The following NXN variants were observed in gnomAD, a reference collection of about 807,000 sequenced individuals.
The protein encoded by NXN is nucleoredoxin.
In NXN, 16 loss-of-function variants were observed where a neutral mutation model predicts 48.6. That is an observed-to-expected ratio of 0.33 (90% CI 0.22 to 0.50). The LOEUF (loss-of-function observed/expected upper bound fraction) is 0.50. NXN is among the 20% of genes least tolerant of loss of function. The pLI, the probability that NXN is intolerant of heterozygous loss-of-function variation, is 0.98. For synonymous variants in NXN, 281 were observed against 269.6 expected (o/e 1.04, Z -0.41); for missense variants, 492 against 605.5 (o/e 0.81, Z 1.97).
intron 1 of NXN, among the ~76,000 whole-genome samples, chr17:875,256 T>C (rs1388336355): frequency 6.6e-6 from 1 of 152,086 alleles, no homozygotes; most frequent in East Asian, 1.9e-4. Flanking sequence ...GGTCTTGAAC[T>C]CCTGACCTCA....
At chr17:950,027 A>T (rs757704469) in intron 1 of NXN, among the ~76,000 whole-genome samples, 1 of 152,218 alleles carries the variant, frequency 6.6e-6, no homozygotes, top group Non-Finnish European at 1.5e-5. Context: ...CTGATGCTTA[A>T]GAAATCACTT....
intron 1 of NXN, among the ~76,000 whole-genome samples, chr17:901,879 C>A (rs2068541161): frequency 6.6e-6 from 1 of 152,020 alleles, no homozygotes; most frequent in African/African-American, 2.4e-5. Context: ...TTTGTATTTT[C>A]AGTAGAGACG....
intron 1 of NXN, among the ~76,000 whole-genome samples, chr17:925,680 T>C (rs1270264508): frequency 6.6e-6 from 1 of 152,234 alleles, no homozygotes; most frequent in Non-Finnish European, 1.5e-5. Context: ...TGAGCCACTG[T>C]GCCCAGCTCC....
chr17:805,194 C>T lies in NXN; in HGVS notation c.874G>A (p.Gly292Arg). ...DPQGEVITRQ[G>R]RVEVLNDEDC... ...TCGTCGTTCAGCACCTCCACCCGCCCCTGCCGCGTGATCACCTCGCCCTGC... is the reference window on the plus strand; with the variant it reads ...TCGTCGTTCAGCACCTCCACCCGCCTCTGCCGCGTGATCACCTCGCCCTGC... The change falls in exon 6 of 8, where the codon GGG becomes AGG. Residue 292 changes from glycine to arginine, a missense_variant. Coordinates refer to ENST00000336868, the MANE Select transcript of NXN (RefSeq NM_022463.5). 1 of 1,611,524 alleles carries T rather than the reference C, an allele frequency of 6.2e-7. No individual in the cohort carries two copies.
intron 1 of NXN, among the ~76,000 whole-genome samples, chr17:916,147 A>T (rs1344575306): frequency 6.6e-6 from 1 of 152,230 alleles, no homozygotes; most frequent in Non-Finnish European, 1.5e-5. Context: ...AGTAACCTCC[A>T]GCAAAACTCT....
At chr17:834,040 C>T (rs956302058) in intron 1 of NXN, among the ~76,000 whole-genome samples, 1 of 152,220 alleles carries the variant, frequency 6.6e-6, no homozygotes, top group Non-Finnish European at 1.5e-5. Flanking sequence ...TTTCTCAGGG[C>T]CAGGTGCGGT....
chr17:842,185 G>T (rs887749221), intron 1 of NXN, among the ~76,000 whole-genome samples: 1 of 151,892 alleles, frequency 6.6e-6, no homozygotes, highest in East Asian at 1.9e-4. Context: ...AAACCTGCTC[G>T]ACATCCTTCC....
chr17:928,539 G>T (rs772914683), intron 1 of NXN, among the ~76,000 whole-genome samples: 1 of 152,126 alleles, frequency 6.6e-6, no homozygotes, highest in Non-Finnish European at 1.5e-5. Flanking sequence ...TAATTCCCTT[G>T]AAAAAGTACT....
intron 1 of NXN, among the ~76,000 whole-genome samples, chr17:843,776 G>A (rs771576691): frequency 3.3e-5 from 5 of 152,176 alleles, no homozygotes; most frequent in South Asian, 2.1e-4. Context: ...AGCACCTTTC[G>A]ACGTGAACGT....
intron 1 of NXN, among the ~76,000 whole-genome samples, chr17:884,585 G>A (rs1407998889): frequency 6.6e-6 from 1 of 152,118 alleles, no homozygotes; most frequent in Admixed American, 6.5e-5. Flanking sequence ...ACAGGAAAAG[G>A]GCCGTTGGGC....
intron 1 of NXN, among the ~76,000 whole-genome samples, chr17:831,436 G>T (rs1308113788): frequency 6.7e-6 from 1 of 149,522 alleles, no homozygotes; most frequent in Admixed American, 6.7e-5. Context: ...CACAGATACT[G>T]AGGGCCGACT....
intron 1 of NXN, among the ~76,000 whole-genome samples, chr17:865,268 AGTCTCCCTCTGTCACCCAGGCTGGAGTG>A (rs1408139829): frequency 6.6e-6 from 1 of 151,204 alleles, no homozygotes; most frequent in African/African-American, 2.4e-5. Context: ...TTTGAGACAG[AGTCTCCCTCTGTCACCCAGGCTGGAGTG>A]CAATGGCACG....
chr17:859,900 T>C (rs1226994619), intron 1 of NXN, among the ~76,000 whole-genome samples: 3 of 152,104 alleles, frequency 2.0e-5, no homozygotes, highest in Admixed American at 6.5e-5. Context: ...TCTGTTCTAA[T>C]GTGTCTCCTC....
At chr17:804,434 C>T (rs1417086110) in intron 6 of NXN, among the ~76,000 whole-genome samples, 2 of 152,122 alleles carry the variant, frequency 1.3e-5, no homozygotes, top group African/African-American at 2.4e-5. Context: ...AGGCGTGAGC[C>T]ACCACACCCA....
At chr17:828,254 CT>C (rs1412112105) in intron 1 of NXN, among the ~76,000 whole-genome samples, 1 of 151,908 alleles carries the variant, frequency 6.6e-6, no homozygotes, top group Non-Finnish European at 1.5e-5. Flanking sequence ...CAGGTGCCCC[CT>C]ACCACACCCG....
chr17:866,888 C>A (rs2068100460), intron 1 of NXN, among the ~76,000 whole-genome samples: 3 of 152,250 alleles, frequency 2.0e-5, no homozygotes, highest in Admixed American at 2.0e-4. Context: ...AAACCCTCAG[C>A]TGGTGCCAGC....
At chr17:925,930 C>T (rs1346443395) in intron 1 of NXN, among the ~76,000 whole-genome samples, 1 of 152,232 alleles carries the variant, frequency 6.6e-6, no homozygotes, top group Non-Finnish European at 1.5e-5. Context: ...TAAGAGCTAT[C>T]ACTTCTTTAG....
At position 830,011 on chromosome 17, in the gene NXN, G is replaced by A. The variant is rs1210565313; in HGVS notation, c.361-3933C>T. Among the ~76,000 whole-genome samples, 1 of 152,110 alleles carries A rather than the reference G, an allele frequency of 6.6e-6. No homozygotes were observed. The highest frequency in any genetic ancestry group is 1.5e-5 in the Non-Finnish European group (1 of 68,022). On this transcript the variant is annotated intron_variant, in intron 1 of 7. Transcript: ENST00000336868. The surrounding 1 kb of genome is among the most constrained non-coding windows in gnomAD (Gnocchi z 4.2). ...CAGTAATGGGATTGCTGGGTCAAAT[G>A]GTGTTTTTGGTTCTAGATCCCTGAG...
In NXN at chr17:828,459, T is replaced by C. The variant is rs566746166; in HGVS notation, c.361-2381A>G. Among the ~76,000 whole-genome samples, 14 of 142,750 alleles carry C rather than the reference T, an allele frequency of 9.8e-5. No individual in the cohort carries two copies. The South Asian group carries it at 2.3e-3, about 23-fold the overall frequency. The allele number at this position is 142,750 out of a possible 152,430, so 93.6% of individuals were successfully genotyped here. A position where few individuals can be genotyped will look rare whatever the true frequency, so the allele number is the denominator to read the frequency against. On this transcript the variant is annotated intron_variant, in intron 1 of 7. Coordinates refer to ENST00000336868, the MANE Select transcript of NXN (RefSeq NM_022463.5). The stretch of plus-strand genomic sequence containing the variant: ...CTCTGTCACCCAGGCTAGAGTGCAA[T>C]GGTGTGATCTAGGCTCACTGCAACC...
Sources: allele counts gnomAD v4.1 joint callset (sites outside exome capture counted in the v4.1 genomes callset), GRCh38; gene constraint gnomAD v4.1.1; non-coding constraint Gnocchi (gnomAD v3.1); transcripts MANE v1.5; gene names NCBI Gene and HGNC (gene_info 2026-07-23, HGNC 2026-07-21).